Variants in FGL1 observed in about 807,000 individuals in gnomAD.
The protein encoded by FGL1 is fibrinogen-like protein 1.
Under a neutral mutation model 43.7 loss-of-function variants are expected in FGL1, and 59 were observed. That is an observed-to-expected ratio of 1.35 (90% confidence interval 1.10 to 1.68). The LOEUF is 1.68. Ranked by LOEUF, FGL1 falls within the 40% of genes most tolerant of loss-of-function variation. The pLI, the probability that FGL1 is intolerant of heterozygous loss-of-function variation, is 0.00. For missense variants in FGL1, 596 were observed against 373.0 expected (o/e 1.60, Z -4.92); for synonymous variants, 192 against 126.5 (o/e 1.52, Z -3.48).
At chr8:17,887,853 C>G (rs568284976) in intron 1 of FGL1, among the ~76,000 whole-genome samples, 17 of 151,194 alleles carry the variant, frequency 1.1e-4, no homozygotes, top group African/African-American at 3.9e-4. Context: ...AAAAAAGTAT[C>G]TCTAGACCCA....
rs1427953210 is a variant in FGL1 at position 17,864,558 on chromosome 8, C to T, written c.*34G>A. 6.3e-7 allele frequency: 1 copy of T among 1,582,012 alleles called. No homozygotes were observed. Among genetic ancestry groups the T allele is most frequent in the Non-Finnish European group, 8.6e-7 (1 of 1,167,004 alleles). ...ATTTTTCAAATCACTTTAAACAAAG[C>T]TGAATTGCAGAAACGAAAGCCCAAC... On this transcript the variant is annotated 3_prime_UTR_variant, in exon 8 of 8. Coordinates refer to ENST00000427924, the MANE Select transcript of FGL1 (RefSeq NM_004467.4).
In FGL1 at chr8:17,868,952, A is replaced by G. The variant is rs372421521; in HGVS notation, c.555T>C (p.Tyr185=). 5.6e-6 allele frequency: 9 copies of G among 1,607,260 alleles called. No homozygotes were observed. The Admixed American group carries it at 1.0e-4, about 18-fold the overall frequency. ...CAACTTTGAAATTCTTATATTGTGC[A>G]TAACGGCTATTTTTTTCAAAATCTG... The part of the protein sequence containing the change: ...DLADFEKNSR[Y]AQYKNFKVGD... The change falls in exon 6 of 8, where the codon TAT becomes TAC. Residue 185 remains tyrosine (Y), a synonymous_variant. Transcript: ENST00000427924.
chr8:17,895,027 C>T (rs900165493), intron 1 of FGL1, among the ~76,000 whole-genome samples: 2 of 151,556 alleles, frequency 1.3e-5, no homozygotes, highest in African/African-American at 4.9e-5. Flanking sequence ...AAATGTTCAT[C>T]TCATTACCAT....
intron 2 of FGL1, among the ~76,000 whole-genome samples, chr8:17,883,947 C>A (rs1397754801): frequency 6.9e-6 from 1 of 145,334 alleles, no homozygotes; most frequent in Non-Finnish European, 1.5e-5. Context: ...CCCTCCCTTC[C>A]TTCCTTCCTT....
chr8:17,867,278 A>T (rs1011638300), intron 7 of FGL1, among the ~76,000 whole-genome samples: 2 of 152,154 alleles, frequency 1.3e-5, no homozygotes, highest in Non-Finnish European at 2.9e-5. Flanking sequence ...AGAAAATAAA[A>T]TTTACCAAAC....
At chr8:17,868,031 TTCAG>T (rs1334405689) in intron 7 of FGL1, among the ~76,000 whole-genome samples, 2 of 152,234 alleles carry the variant, frequency 1.3e-5, no homozygotes, top group East Asian at 3.8e-4. Flanking sequence ...CATGAATGTA[TTCAG>T]TCAGAGGGTA....
chr8:17,878,691 A>T (rs1048828502), intron 3 of FGL1, among the ~76,000 whole-genome samples: 3 of 152,222 alleles, frequency 2.0e-5, no homozygotes, highest in African/African-American at 4.8e-5. Flanking sequence ...ACAAATTGCT[A>T]GGTTGTATGT....
chr8:17,877,416 G>C (rs1027153253), intron 3 of FGL1, among the ~76,000 whole-genome samples: 1 of 152,192 alleles, frequency 6.6e-6, no homozygotes, highest in South Asian at 2.1e-4. Context: ...TGACATGACA[G>C]CCTGCCAAAT....
intron 2 of FGL1, among the ~76,000 whole-genome samples, chr8:17,883,701 A>T (rs1172897326): frequency 6.8e-6 from 1 of 146,300 alleles, no homozygotes; most frequent in Non-Finnish European, 1.5e-5. Flanking sequence ...TTTTATATAT[A>T]TATATATGTA....
chr8:17,885,500 C>A lies in FGL1; in HGVS notation c.55G>T (p.Glu19Ter). 1 of 1,612,238 alleles carries A rather than the reference C, an allele frequency of 6.2e-7. No individual in the cohort carries two copies. The highest frequency in any genetic ancestry group is 2.2e-5 in the East Asian group (1 of 44,860). ...TTTCCCAAGAAGCTTACCGAAATTT[C>A]CCTGCCCATTGTCAGAGCGGTGGTA... ...LVTTALTMGR[E>*]ISALEDCAQE... The change falls in exon 2 of 8, where the codon GAA (glutamate) becomes TAA (stop). Residue 19 changes from glutamate (E) to a stop codon, truncating the protein, a stop_gained. Coordinates refer to ENST00000427924, the MANE Select transcript of FGL1 (RefSeq NM_004467.4). LOFTEE classifies it high-confidence loss of function.
chr8:17,868,174 TC>T (rs2053299068), intron 7 of FGL1, among the ~76,000 whole-genome samples: 1 of 152,166 alleles, frequency 6.6e-6, no homozygotes, highest in Non-Finnish European at 1.5e-5. Flanking sequence ...TAACGGTGGC[TC>T]TTTTGTGTGA....
Position 17,870,721 on chromosome 8 carries a change from C to A in FGL1, c.503-1717G>T, listed in dbSNP as rs192689950. ...AGGAGATCGAGACCATCCTGGCCAA[C>A]ATGGTGAAACCCTGTCTCTATTAAA... On this transcript the variant is annotated intron_variant, in intron 5 of 7. Transcript: ENST00000427924. 3.7e-4 allele frequency among the ~76,000 whole-genome samples: 56 copies of A among 152,256 alleles called. 1 individual carries two copies. The highest frequency in any genetic ancestry group is 1.3e-3 in the African/African-American group (56 of 41,560).
At chr8:17,878,109 A>C (rs1250111368) in intron 3 of FGL1, among the ~76,000 whole-genome samples, 2 of 151,770 alleles carry the variant, frequency 1.3e-5, no homozygotes, top group African/African-American at 2.4e-5. Context: ...TGCATGCACC[A>C]CCAAGCCTGG....
intron 1 of FGL1, among the ~76,000 whole-genome samples, chr8:17,893,147 G>A (rs2053729059): frequency 6.6e-6 from 1 of 152,138 alleles, no homozygotes; most frequent in African/African-American, 2.4e-5. Flanking sequence ...GTTGCAGTGA[G>A]CCAAGATCAC....
intron 2 of FGL1, among the ~76,000 whole-genome samples, chr8:17,882,959 A>C (rs868564427): frequency 0.013 from 636 of 49,324 alleles, 7 homozygotes; most frequent in Middle Eastern, 0.028. Flanking sequence ...TATAATATAT[A>C]TCATATATAA....
At chr8:17,875,849 C>G (rs1321791527) in intron 3 of FGL1, among the ~76,000 whole-genome samples, 2 of 152,054 alleles carry the variant, frequency 1.3e-5, no homozygotes, top group Non-Finnish European at 1.5e-5. Context: ...TCAGGCCATC[C>G]GCCCGCCTCG....
intron 7 of FGL1, among the ~76,000 whole-genome samples, chr8:17,865,005 C>G (rs979069643): frequency 6.6e-6 from 1 of 151,746 alleles, no homozygotes; most frequent in Non-Finnish European, 1.5e-5. Flanking sequence ...TGGCTGGTCT[C>G]CAACTCCTGA....
intron 3 of FGL1, chr8:17,874,752 G>T (rs1415696024): frequency 5.9e-6 from 2 of 338,828 alleles, no homozygotes; most frequent in South Asian, 1.4e-4. Context: ...GAGGAAAAAA[G>T]GGGAGTGAAA....
At chr8:17,882,883 A>C (rs1341707857) in intron 2 of FGL1, among the ~76,000 whole-genome samples, 1 of 19,590 alleles carries the variant, frequency 5.1e-5, no homozygotes, top group Non-Finnish European at 1.4e-4. Context: ...ATAATATATA[A>C]TATATCTCAT....
Sources: allele counts gnomAD v4.1 joint callset (sites outside exome capture counted in the v4.1 genomes callset), GRCh38; gene constraint gnomAD v4.1.1; transcripts MANE v1.5; gene names NCBI Gene and HGNC (gene_info 2026-07-23, HGNC 2026-07-21).